NAF1: variants seen among roughly 807,000 people sequenced by gnomAD.
The protein encoded by NAF1 is nuclear assembly factor 1 ribonucleoprotein, also known as H/ACA ribonucleoprotein complex non-core subunit NAF1.
In NAF1, 11 loss-of-function variants were observed where a neutral mutation model predicts 40.6. That is an observed-to-expected ratio of 0.27 (90% CI 0.17 to 0.45). The LOEUF is 0.45. Ranked by LOEUF, NAF1 falls within the 20% of genes least tolerant of loss-of-function variation. The pLI is 1.00. For synonymous variants in NAF1, 260 were observed against 228.5 expected (o/e 1.14, Z -1.24); for missense variants, 607 against 611.1 (o/e 0.99, Z 0.07).
chr4:163,118,582 G>A (rs10010793), intron 2 of NAF1, among the ~76,000 whole-genome samples: 7,890 of 152,044 alleles, frequency 0.052, 257 homozygotes, highest in African/African-American at 0.073. Context: ...GCGAAACCCC[G>A]TCTCTACTAA....
chr4:163,141,990 A>G, intron 4 of NAF1: 1 of 847,670 alleles, frequency 1.2e-6, no homozygotes, highest in Non-Finnish European at 1.4e-6. Flanking sequence ...GTGACATTAA[A>G]AACTATTAAA....
intron 7 of NAF1, among the ~76,000 whole-genome samples, chr4:163,132,613 G>A (rs921715596): frequency 1.3e-5 from 2 of 152,202 alleles, no homozygotes; most frequent in African/African-American, 4.8e-5. Context: ...AGGCAACTGG[G>A]TAGCTCTCTG....
At chr4:163,154,598 A>C (rs1564313) in intron 2 of NAF1, among the ~76,000 whole-genome samples, 118,170 of 152,126 alleles carry the variant, frequency 0.78, 45,948 homozygotes, top group South Asian at 0.84. Flanking sequence ...ACAGGCCAGG[A>C]ATGGTGGCTC....
chr4:163,164,172 C>T (rs746161326), intron 2 of NAF1, 45 bp downstream of exon 2: 6 of 1,442,720 alleles, frequency 4.2e-6, no homozygotes, highest in South Asian at 3.1e-5. Flanking sequence ...TACCAGAATA[C>T]GTTTTAAAAC....
intron 2 of NAF1, among the ~76,000 whole-genome samples, chr4:163,150,417 G>A (rs572100575): frequency 6.6e-6 from 1 of 152,144 alleles, no homozygotes; most frequent in African/African-American, 2.4e-5. Flanking sequence ...CCTTTACTAT[G>A]CAGATATAAA....
chr4:163,147,901 G>A (rs887686035), intron 3 of NAF1, among the ~76,000 whole-genome samples: 5 of 152,106 alleles, frequency 3.3e-5, no homozygotes, highest in Admixed American at 2.0e-4. Context: ...CAAGGAATGT[G>A]GGCAGGCTCT....
At chr4:163,138,441 AAAAATC>A (rs1260713460) in intron 5 of NAF1, among the ~76,000 whole-genome samples, 45 of 152,258 alleles carry the variant, frequency 3.0e-4, no homozygotes, top group African/African-American at 1.1e-3. Flanking sequence ...GTCTATTACA[AAAAATC>A]AAAATCTACT....
At chr4:163,129,456 C>A in intron 7 of NAF1, 108 bp from the exon 8 acceptor site, 1 of 1,187,656 alleles carries the variant, frequency 8.4e-7, no homozygotes, top group South Asian at 1.6e-5. Context: ...TATCTTGTGG[C>A]AGTTAAAAAA....
downstream of NAF1, among the ~76,000 whole-genome samples, chr4:163,125,330 T>C (rs1042962328): frequency 6.6e-6 from 1 of 152,230 alleles, no homozygotes; most frequent in Non-Finnish European, 1.5e-5. Flanking sequence ...AGGCCTCTTG[T>C]GCCAAACAGC....
chr4:163,160,409 A>G (rs1732169999), intron 2 of NAF1, among the ~76,000 whole-genome samples: 1 of 148,136 alleles, frequency 6.8e-6, no homozygotes, highest in Non-Finnish European at 1.5e-5. Context: ...GGATGGCAAG[A>G]TTTGGTTATA....
At chr4:163,158,217 C>A (rs964261985) in intron 2 of NAF1, 1 of 152,034 alleles carries the variant, frequency 6.6e-6, no homozygotes, top group Non-Finnish European at 1.5e-5. Context: ...CACGTGGCAG[C>A]CAATTACCTG....
chr4:163,129,799 C>A (rs895810167), intron 7 of NAF1, among the ~76,000 whole-genome samples: 17 of 152,146 alleles, frequency 1.1e-4, no homozygotes, highest in African/African-American at 3.6e-4. Flanking sequence ...TGGCGGCAAC[C>A]CAGTGTTCTT....
At chr4:163,154,974 T>C (rs937493770) in intron 2 of NAF1, among the ~76,000 whole-genome samples, 17 of 151,918 alleles carry the variant, frequency 1.1e-4, no homozygotes, top group African/African-American at 3.6e-4. Flanking sequence ...AGAGATGTGC[T>C]TTCCATGAAA....
At chr4:163,108,549 C>T (rs1730085902), downstream of NAF1, among the ~76,000 whole-genome samples, 1 of 152,186 alleles carries the variant, frequency 6.6e-6, no homozygotes, top group Non-Finnish European at 1.5e-5. Flanking sequence ...CTAAGATTTA[C>T]ACTAACCTGT....
intron 4 of NAF1, chr4:163,141,957 T>C (rs919474016): frequency 2.0e-6 from 2 of 975,670 alleles, no homozygotes; most frequent in African/African-American, 1.8e-5. Flanking sequence ...ATTCTGAAGA[T>C]ATGTGTACTC....
At chr4:163,131,466 A>C (rs1730871273) in intron 7 of NAF1, among the ~76,000 whole-genome samples, 1 of 152,192 alleles carries the variant, frequency 6.6e-6, no homozygotes, top group African/African-American at 2.4e-5. Context: ...AGATTCTAAA[A>C]TTTATACTGA....
At chr4:163,109,778 T>C (rs1335398513), downstream of NAF1, among the ~76,000 whole-genome samples, 1 of 152,154 alleles carries the variant, frequency 6.6e-6, no homozygotes, top group Non-Finnish European at 1.5e-5. Flanking sequence ...TCTCCTAGAA[T>C]TACCTCACAC....
intron 6 of NAF1, 44 bp downstream of exon 6, chr4:163,137,155 C>A: frequency 6.2e-7 from 1 of 1,606,076 alleles, no homozygotes; most frequent in Non-Finnish European, 8.5e-7. Flanking sequence ...AGATTAAGTC[C>A]TGCCCTACTT....
chr4:163,152,781 G>A (rs1731769855), intron 2 of NAF1, among the ~76,000 whole-genome samples: 1 of 152,224 alleles, frequency 6.6e-6, no homozygotes, highest in Admixed American at 6.5e-5. Flanking sequence ...GCTGCACTGT[G>A]GGAGCCCCTT....
Sources: gnomAD v4.1 joint callset for allele counts (sites outside exome capture counted in the v4.1 genomes callset) on GRCh38, gnomAD v4.1.1 for gene constraint, MANE v1.5 for transcripts, NCBI Gene and HGNC (gene_info 2026-07-23, HGNC 2026-07-21) for gene names.